The following MYBBP1A variants were observed in gnomAD, a reference collection of about 807,000 sequenced individuals.
MYBBP1A encodes MYB binding protein 1a.
A neutral mutation model predicts 136.3 loss-of-function variants in MYBBP1A; 147 were observed. That is an observed-to-expected ratio of 1.08 (90% CI 0.94 to 1.24). The LOEUF (loss-of-function observed/expected upper bound fraction) is 1.24. Ranked by LOEUF, MYBBP1A falls within the 50% of genes most tolerant of loss-of-function variation. MYBBP1A has a pLI of 0.00. For missense variants in MYBBP1A, 2,060 were observed against 1,727.4 expected (o/e 1.19, Z -3.41); for synonymous variants, 947 against 735.8 (o/e 1.29, Z -4.65).
At position 4,549,376 on chromosome 17, in the gene MYBBP1A, G is replaced by A. The variant is rs747838178; in HGVS notation, c.1386C>T (p.Ser462=). The A allele has an allele frequency of 2.5e-6, 4 of 1,612,974 alleles. No individual in the cohort carries two copies. The highest frequency in any genetic ancestry group is 2.2e-5 in the South Asian group (2 of 91,086). Residue 462 remains serine, a synonymous_variant, in exon 10 of 26, where the codon AGC becomes AGT. Transcript: ENST00000254718. ...IIFRLVSIVD[S]LHLEMEEALT... The stretch of plus-strand genomic sequence containing the variant: ...AGGCCTCCTCCATCTCCAGGTGCAG[G>A]CTGTCCACAATGCTCACCAATCGAA...
chr17:4,555,299 G>A lies in MYBBP1A; in HGVS notation c.26C>T (p.Pro9Leu), dbSNP rs144550376. 1,657 of 1,605,678 alleles carry A rather than the reference G, an allele frequency of 1.0e-3. 17 individuals carry two copies. In the African/African-American group the frequency reaches 0.019, roughly 19 times the overall value. Residue 9 changes from proline (P) to leucine (L), a missense_variant, in exon 1 of 26, where the codon CCG becomes CTG. Coordinates refer to ENST00000254718, the MANE Select transcript of MYBBP1A (RefSeq NM_014520.4). ...CTGCGTCGCTTCTCCAGGCGACATCGGCTGGGCGGGATCCCGGCTCTCCAT... is the reference window on the plus strand; with the variant it reads ...CTGCGTCGCTTCTCCAGGCGACATCAGCTGGGCGGGATCCCGGCTCTCCAT... The part of the protein sequence containing the change: MESRDPAQ[P>L]MSPGEATQSG...
At chr17:4,542,304 C>G (rs1365723420) in intron 22 of MYBBP1A, 160 bp downstream of exon 22, 2 of 821,812 alleles carry the variant, frequency 2.4e-6, no homozygotes, top group Non-Finnish European at 3.8e-6. Context: ...ACGGCCACCC[C>G]CTTCAGAGAC....
chr17:4,543,277 G>A (rs148390115), intron 19 of MYBBP1A, 112 bp from the exon 20 acceptor site: 120 of 1,389,042 alleles, frequency 8.6e-5, no homozygotes, highest in Middle Eastern at 8.0e-4. Flanking sequence ...CCTAGAAGAC[G>A]ACAGAGGCGA....
At chr17:4,541,164 TCCAGCCCTG>T in intron 24 of MYBBP1A, among the ~76,000 whole-genome samples, 1 of 152,048 alleles carries the variant, frequency 6.6e-6, no homozygotes, top group Non-Finnish European at 1.5e-5. Flanking sequence ...TTCCACAGTC[TCCAGCCCTG>T]CCAGCCCCTT....
In MYBBP1A at chr17:4,542,645, T is replaced by C. The variant is rs927572683; in HGVS notation, c.2989A>G (p.Met997Val). 1.9e-6 allele frequency: 3 copies of C among 1,613,724 alleles called. No homozygotes were observed. Among genetic ancestry groups the C allele is most frequent in the African/African-American group, 2.7e-5 (2 of 74,842 alleles). Residue 997 changes from methionine to valine, a missense_variant, in exon 21 of 26, where the codon ATG becomes GTG. Coordinates refer to ENST00000254718, the MANE Select transcript of MYBBP1A (RefSeq NM_014520.4). ...TGCCGGGAGAAGAGGCTGAGGAACA[T>C]GGGAACTGTGAGGGGGCTGTTGCGC... ...TKRNSPLTVP[M>V]FLSLFSRHPV...
At chr17:4,546,264 G>A (rs7224505) in intron 13 of MYBBP1A, among the ~76,000 whole-genome samples, 80,468 of 152,092 alleles carry the variant, frequency 0.53, 24,955 homozygotes, top group Non-Finnish European at 0.7. Context: ...GATTGCAGGC[G>A]TGTACCACCA....
intron 17 of MYBBP1A, 41 bp from the exon 18 acceptor site, chr17:4,544,962 G>A (rs1297974927): frequency 5.7e-6 from 9 of 1,569,232 alleles, no homozygotes; most frequent in Non-Finnish European, 6.9e-6. Flanking sequence ...GCCTCGGGCA[G>A]GCACACAACA....
At position 4,543,073 on chromosome 17, in the gene MYBBP1A, G is replaced by T; in HGVS notation, c.2732C>A (p.Ala911Asp). 6.2e-7 allele frequency: 1 copy of T among 1,613,270 alleles called. No individual in the cohort carries two copies. ...HAQVERLVQQ[A>D]GRQPDSPTAL... ...GGTGGGGGAGTCGGGCTGGCGGCCAGCCTGCTGCACCAACCGCTCCACCTG... is the reference window on the plus strand; with the variant it reads ...GGTGGGGGAGTCGGGCTGGCGGCCATCCTGCTGCACCAACCGCTCCACCTG... The change falls in exon 20 of 26, where the codon GCT (alanine) becomes GAT (aspartate). Residue 911 changes from alanine to aspartate, a missense_variant. Coordinates refer to ENST00000254718, the MANE Select transcript of MYBBP1A (RefSeq NM_014520.4).
In MYBBP1A at chr17:4,545,682, G is replaced by A; in HGVS notation, c.2001C>T (p.Arg667=). 2 of 1,611,522 alleles carry A rather than the reference G, an allele frequency of 1.2e-6. No individual in the cohort carries two copies. The highest frequency in any genetic ancestry group is 1.7e-6 in the Non-Finnish European group (2 of 1,178,418). ...ALLAQPSHLM[R]QVARSVFGHI... ...GGCCAAACACGCTCCGGGCCACCTG[G>A]CGCATGAGGTGGCTGGGCTGGGCCA... is the stretch of plus-strand genomic sequence containing the variant. The change falls in exon 15 of 26, where the codon CGC becomes CGT. Residue 667 remains arginine, a synonymous_variant. Coordinates refer to ENST00000254718, the MANE Select transcript of MYBBP1A (RefSeq NM_014520.4).
At position 4,539,343 on chromosome 17, in the gene MYBBP1A, T is replaced by C; in HGVS notation, c.*72A>G. ...ACAGCTTGCGTATTAAAATCATGGT[T>C]TAAAAAAAAAAAAAAAAAATAGGCG... On this transcript the variant is annotated 3_prime_UTR_variant, in exon 26 of 26. Transcript: ENST00000254718. 1 of 1,482,152 alleles carries C rather than the reference T, an allele frequency of 6.7e-7. No individual in the cohort carries two copies. Among genetic ancestry groups the C allele is most frequent in the Non-Finnish European group, 8.9e-7 (1 of 1,125,496 alleles). The allele number at this position is 1,482,152 out of a possible 1,614,324, so 91.8% of individuals were successfully genotyped here.
At chr17:4,547,785 A>C in intron 13 of MYBBP1A, 173 bp downstream of exon 13, 2 of 549,390 alleles carry the variant, frequency 3.6e-6, no homozygotes. Context: ...GGTGCCGCTA[A>C]GTGGCCGGAG....
intron 13 of MYBBP1A, among the ~76,000 whole-genome samples, chr17:4,546,490 T>A (rs184291007): frequency 3.0e-4 from 46 of 151,556 alleles, no homozygotes; most frequent in Admixed American, 6.6e-4. Context: ...GGACAAGGAG[T>A]CCAACTCCCC....
chr17:4,547,665 C>G (rs1434515016), intron 13 of MYBBP1A: 12 of 368,518 alleles, frequency 3.3e-5, no homozygotes, highest in Non-Finnish European at 5.8e-5. Flanking sequence ...ACAGTGCAAG[C>G]TCCTTTGCCT....
intron 13 of MYBBP1A, among the ~76,000 whole-genome samples, chr17:4,546,927 T>C (rs967262477): frequency 7.0e-6 from 1 of 142,234 alleles, no homozygotes; most frequent in South Asian, 2.1e-4. Flanking sequence ...TTTTTTTTTT[T>C]CTAAGACAGA....
In MYBBP1A at chr17:4,539,574, C is replaced by G. The variant is rs376995985; in HGVS notation, c.3828G>C (p.Gln1276His). 10 of 1,614,174 alleles carry G rather than the reference C, an allele frequency of 6.2e-6. No homozygotes were observed. Among genetic ancestry groups the G allele is most frequent in the Admixed American group, 1.7e-5 (1 of 60,020 alleles). The change falls in exon 26 of 26, where the codon CAG becomes CAC. Residue 1276 changes from glutamine to histidine, a missense_variant. Transcript: ENST00000254718. ...GSPTEPAGQK[Q>H]HQKALPKKGV... is the part of the protein sequence containing the mutation. ...CCTTTTTGGGAAGAGCCTTCTGATG[C>G]TGCTTTTGGCCTGCAGGTTCCGTGG... is the stretch of plus-strand genomic sequence containing the variant.
At chr17:4,541,654 C>A in intron 23 of MYBBP1A, 90 bp from the exon 24 acceptor site, 2 of 1,478,534 alleles carry the variant, frequency 1.4e-6, no homozygotes, top group Admixed American at 1.7e-5. Context: ...GAGGCAGGGA[C>A]CGTCTCCTGG....
At chr17:4,540,295 T>C (rs1478156821) in intron 25 of MYBBP1A, 53 bp downstream of exon 25, 1 of 1,552,104 alleles carries the variant, frequency 6.4e-7, no homozygotes, top group Non-Finnish European at 8.7e-7. Flanking sequence ...TGCAGCAGCG[T>C]GAGGGTGTTC....
At position 4,548,731 on chromosome 17, in the gene MYBBP1A, G is replaced by T; in HGVS notation, c.1431-82C>A. 3 of 1,580,616 alleles carry T rather than the reference G, an allele frequency of 1.9e-6. No individual in the cohort carries two copies. The highest frequency in any genetic ancestry group is 2.6e-6 in the Non-Finnish European group (3 of 1,160,922). ...CCCCTCCTTGGATGGTACCACCGAGGGTACAAGGCCAGGAGGAGGAGGAGC... is the reference window on the plus strand; with the variant it reads ...CCCCTCCTTGGATGGTACCACCGAGTGTACAAGGCCAGGAGGAGGAGGAGC... On this transcript the variant is annotated intron_variant, in intron 10 of 25. Coordinates refer to ENST00000254718, the MANE Select transcript of MYBBP1A (RefSeq NM_014520.4). The surrounding 1 kb of genome is among the most constrained non-coding windows in gnomAD (Gnocchi z 4.2).
intron 19 of MYBBP1A, among the ~76,000 whole-genome samples, chr17:4,544,245 G>A (rs535139180): frequency 6.9e-6 from 1 of 145,508 alleles, no homozygotes; most frequent in East Asian, 2.0e-4. Flanking sequence ...GTCAAGGGCA[G>A]GGATGGACCC....
Sources: gnomAD v4.1 joint callset for allele counts (sites outside exome capture counted in the v4.1 genomes callset) on GRCh38, gnomAD v4.1.1 for gene constraint, Gnocchi (gnomAD v3.1) non-coding constraint, MANE v1.5 for transcripts, NCBI Gene and HGNC (gene_info 2026-07-23, HGNC 2026-07-21) for gene names.